Variants in HIRIP3 observed in about 807,000 individuals in gnomAD.
HIRIP3 encodes HIRA-interacting protein 3.
Under a neutral mutation model 50.3 loss-of-function variants are expected in HIRIP3, and 40 were observed. The ratio of observed to expected loss-of-function variants is 0.79; its 90% confidence interval spans 0.62 to 1.03. The LOEUF (loss-of-function observed/expected upper bound fraction) is 1.03, where lower values mean the gene tolerates loss of function less well. Among genes scored for constraint, HIRIP3 ranks in the 50% least tolerant of loss-of-function variants. The pLI is 0.00. For missense variants in HIRIP3, 765 were observed against 705.4 expected, an observed-to-expected ratio of 1.08 and a Z score of -0.96; for synonymous variants, 318 against 261.6, an observed-to-expected ratio of 1.22 and a Z score of -2.08.
chr16:29,992,342 A>G lies in HIRIP3; in HGVS notation c.*865T>C, dbSNP rs186208574. ...TGAATAGTACTGCTTGTGTTTTATA[A>G]AGAGAATTTATTGGGCTGTGTATCT... On this transcript the variant is annotated 3_prime_UTR_variant, in exon 7 of 7. Coordinates refer to ENST00000279392, the MANE Select transcript of HIRIP3 (RefSeq NM_003609.5). 2 of 152,112 alleles carry G rather than the reference A, an allele frequency of 1.3e-5. No homozygotes were observed. Among genetic ancestry groups the G allele is most frequent in the African/African-American group, 4.8e-5 (2 of 41,394 alleles). The allele number at this position is 152,112 out of a possible 1,614,324, so 9.4% of individuals were successfully genotyped here.
At position 29,994,569 on chromosome 16, in the gene HIRIP3, G is replaced by A; in HGVS notation, c.576C>T (p.Ala192=). The change falls in exon 4 of 7, where the codon GCC becomes GCT. Residue 192 remains alanine, a synonymous_variant. Transcript: ENST00000279392. ...CCTCGCTCTCCTCACTTTCTTCCCT[G>A]GCCTGCTTCCTACTGACTGAGGCCT... ...PGKASVSRKQ[A]REESEESEAE... is the part of the protein sequence containing the mutation. 1.9e-6 allele frequency: 3 copies of A among 1,614,038 alleles called. No homozygotes were observed. Among genetic ancestry groups the A allele is most frequent in the Non-Finnish European group, 2.5e-6 (3 of 1,180,012 alleles).
intron 2 of HIRIP3, 27 bp downstream of exon 2, chr16:29,995,316 C>CGCGGCCCAGGCT (rs1567261572): frequency 6.2e-7 from 1 of 1,609,026 alleles, no homozygotes; most frequent in Admixed American, 1.7e-5. Flanking sequence ...CTCCGCCTCC[C>CGCGGCCCAGGCT]GCGGCCCAGG....
At position 29,994,826 on chromosome 16, in the gene HIRIP3, A is replaced by G. The variant is rs757355734; in HGVS notation, c.319T>C (p.Ser107Pro). The G allele has an allele frequency of 6.2e-7, 1 of 1,610,748 alleles. No homozygotes were observed. Among genetic ancestry groups the G allele is most frequent in the East Asian group, 2.2e-5 (1 of 44,866 alleles). ...GGGGGTCCAAAGTAGTCTGGGCTGG[A>G]GGCTTCAGAGCCGGACTCTGGAATA... ...NSESESGSEA[S>P]SPDYFGPPAK... Residue 107 changes from serine (S) to proline (P), a missense_variant, in exon 4 of 7, where the codon TCC (serine) becomes CCC (proline). By Grantham distance (74) the Ser-to-Pro change is moderately conservative (BLOSUM62 -1). Transcript: ENST00000279392.
Position 29,994,545 on chromosome 16 carries a change from C to G in HIRIP3, c.600G>C (p.Glu200Asp). 14 of 1,614,124 alleles carry G rather than the reference C, an allele frequency of 8.7e-6. No homozygotes were observed. Among genetic ancestry groups the G allele is most frequent in the Non-Finnish European group, 1.2e-5 (14 of 1,180,026 alleles). The part of the protein sequence containing the change: ...KQAREESEES[E>D]AEPVQRTAKK... ...TTGCTGTCCTCTGAACGGGTTCTGC[C>G]TCGCTCTCCTCACTTTCTTCCCTGG... The change falls in exon 4 of 7, where the codon GAG becomes GAC. Residue 200 changes from glutamate to aspartate, a missense_variant. Physicochemically the swap from Glu to Asp is conservative, Grantham distance 45 (BLOSUM62 2). Coordinates refer to ENST00000279392, the MANE Select transcript of HIRIP3 (RefSeq NM_003609.5).
In HIRIP3 at chr16:29,993,356, G is replaced by A. The variant is rs750316578; in HGVS notation, c.1522C>T (p.Arg508Cys). The A allele has an allele frequency of 3.2e-5, 49 of 1,551,868 alleles. No individual in the cohort carries two copies. The highest frequency in any genetic ancestry group is 3.8e-5 in the Non-Finnish European group (44 of 1,145,062). The change falls in exon 7 of 7, where the codon CGT becomes TGT. Residue 508 changes from arginine to cysteine, a missense_variant. Physicochemically the swap from Arg to Cys is radical, Grantham distance 180 (BLOSUM62 -3). Transcript: ENST00000279392. ...TCTCCTAAAGGGTTCCAGGCTGTAC[G>A]TCTGCGTGGCCGGCCTAGGGGAAAG... ...IISGSGRPRR[R>C]TAWNPLGEAA...
rs758911005 is a variant in HIRIP3 at position 29,994,450 on chromosome 16, A to C, written c.695T>G (p.Leu232Arg). Reference protein sequence around the residue: ...ESEQESEEEILAQKKEQREEE... With the variant: ...ESEQESEEEIRAQKKEQREEE... ...CTCTCTCTGCTCTTTCTTCTGGGCT[A>C]GGATCTCCTCTTCACTCTCCTGTTC... is the stretch of plus-strand genomic sequence containing the variant. Residue 232 changes from leucine (L) to arginine (R), a missense_variant, in exon 4 of 7, where the codon CTA becomes CGA. Transcript: ENST00000279392. 6.2e-7 allele frequency: 1 copy of C among 1,613,434 alleles called. No homozygotes were observed. Among genetic ancestry groups the C allele is most frequent in the South Asian group, 1.1e-5 (1 of 91,050 alleles).
In HIRIP3 at chr16:29,993,277, C is replaced by T. The variant is rs1232581664; in HGVS notation, c.1601G>A (p.Arg534Gln). The stretch of plus-strand genomic sequence containing the variant: ...CCAGTCTGGGGGTGCGGGACGGGGC[C>T]GCTCTTCATCTGAGTCCAGGGTCCG... ...YRRTLDSDEE[R>Q]PRPAPPDWSH... The change falls in exon 7 of 7, where the codon CGG (arginine) becomes CAG (glutamine). Residue 534 changes from arginine to glutamine, a missense_variant. Physicochemically the swap from Arg to Gln is conservative, Grantham distance 43 (BLOSUM62 1). Transcript: ENST00000279392. 5.2e-6 allele frequency: 8 copies of T among 1,551,962 alleles called. No homozygotes were observed. The highest frequency in any genetic ancestry group is 2.0e-5 in the Admixed American group (1 of 50,658).
At position 29,994,697 on chromosome 16, in the gene HIRIP3, C is replaced by T; in HGVS notation, c.448G>A (p.Asp150Asn). 6.2e-7 allele frequency: 1 copy of T among 1,614,178 alleles called. No homozygotes were observed. The highest frequency in any genetic ancestry group is 8.5e-7 in the Non-Finnish European group (1 of 1,180,032). Residue 150 changes from aspartate (D) to asparagine (N), a missense_variant, in exon 4 of 7, where the codon GAC becomes AAC. Transcript: ENST00000279392. ...EESSDEERQR[D>N]LPAQRGEESS... ...TCCTCTCCCCTCTGTGCGGGCAGGT[C>T]CCTCTGCCGTTCCTCATCACTGCTC...
Position 29,993,812 on chromosome 16 carries a change from G to T in HIRIP3, c.1240-4C>A. 6.2e-7 allele frequency: 1 copy of T among 1,613,602 alleles called. No individual in the cohort carries two copies. On this transcript the variant is annotated splice_region_variant and splice_polypyrimidine_tract_variant and intron_variant, in intron 4 of 6. Coordinates refer to ENST00000279392, the MANE Select transcript of HIRIP3 (RefSeq NM_003609.5). Reference sequence around the variant, plus strand: ...CTCCACGGCGACCTGAGCCAGCCTAGCAAGGAAAGAGCAGCTGAAGGCCAA... The same window carrying T: ...CTCCACGGCGACCTGAGCCAGCCTATCAAGGAAAGAGCAGCTGAAGGCCAA...
intron 2 of HIRIP3, 47 bp from the exon 3 acceptor site, chr16:29,995,264 C>A: frequency 6.2e-7 from 1 of 1,613,094 alleles, no homozygotes; most frequent in Non-Finnish European, 8.5e-7. Flanking sequence ...GCTGCGCTCA[C>A]CGCGCCCCGT....
At position 29,994,236 on chromosome 16, in the gene HIRIP3, A is replaced by T; in HGVS notation, c.909T>A (p.Asp303Glu). The part of the protein sequence containing the change: ...EEQKEAASSG[D>E]DSGRDREPPV... ...GGGGTTCTCTATCTCTCCCACTGTC[A>T]TCCCCACTGCTGGCTGCCTCTTTCT... Residue 303 changes from aspartate (D) to glutamate (E), a missense_variant, in exon 4 of 7, where the codon GAT becomes GAA. Physicochemically the swap from Asp to Glu is conservative, Grantham distance 45. Transcript: ENST00000279392. 2 of 1,613,944 alleles carry T rather than the reference A, an allele frequency of 1.2e-6. No homozygotes were observed. The highest frequency in any genetic ancestry group is 1.7e-6 in the Non-Finnish European group (2 of 1,179,966).
chr16:29,995,991 C>T, upstream of HIRIP3: 1 of 567,204 alleles, frequency 1.8e-6, no homozygotes. Context: ...GATGAGGAAC[C>T]TCGGGGATAA....
rs1470947430 is a variant in HIRIP3, at chr16:29,994,592, C to G, written c.553G>C (p.Ala185Pro). ...CTGGCCTGCTTCCTACTGACTGAGG[C>G]CTTGCCTGGTGCCTGCTTCTTTACC... is the stretch of plus-strand genomic sequence containing the variant. ...PVVKKQAPGK[A>P]SVSRKQAREE... Residue 185 changes from alanine to proline, a missense_variant, in exon 4 of 7, where the codon GCC (alanine) becomes CCC (proline). Transcript: ENST00000279392. 6.2e-7 allele frequency: 1 copy of G among 1,614,170 alleles called. No homozygotes were observed. Among genetic ancestry groups the G allele is most frequent in the South Asian group, 1.1e-5 (1 of 91,080 alleles).
At chr16:29,995,316 C>G (rs759906736) in intron 2 of HIRIP3, 27 bp downstream of exon 2, 10 of 1,609,026 alleles carry the variant, frequency 6.2e-6, no homozygotes, top group Non-Finnish European at 8.5e-6. Flanking sequence ...CTCCGCCTCC[C>G]GCGGCCCAGG....
At chr16:29,993,433 C>G in intron 6 of HIRIP3, 26 bp downstream of exon 6, 1 of 1,602,422 alleles carries the variant, frequency 6.2e-7, no homozygotes, top group Non-Finnish European at 8.5e-7. Flanking sequence ...CTATCTGCTC[C>G]TGGGCAGTGA....
Position 29,994,157 on chromosome 16 carries a change from T to C in HIRIP3, c.988A>G (p.Ser330Gly). The change falls in exon 4 of 7, where the codon AGT becomes GGT. Residue 330 changes from serine (S) to glycine (G), a missense_variant. By Grantham distance (56) the Ser-to-Gly change is moderately conservative. Coordinates refer to ENST00000279392, the MANE Select transcript of HIRIP3 (RefSeq NM_003609.5). Reference sequence around the variant, plus strand: ...TCTTCCTCGTCCTCGCTGCTTCCACTCAACCTCTTCCCACCCTTAAGCTGG... The same window carrying C: ...TCTTCCTCGTCCTCGCTGCTTCCACCCAACCTCTTCCCACCCTTAAGCTGG... ...RTQLKGGKRL[S>G]GSSEDEEDSG... 1.2e-6 allele frequency: 2 copies of C among 1,614,162 alleles called. No individual in the cohort carries two copies. The highest frequency in any genetic ancestry group is 1.7e-6 in the Non-Finnish European group (2 of 1,180,024).
At position 29,992,388 on chromosome 16, in the gene HIRIP3, T is replaced by C. The variant is rs2069993482; in HGVS notation, c.*819A>G. 6.6e-6 allele frequency: 1 copy of C among 152,252 alleles called. No homozygotes were observed. Among genetic ancestry groups the C allele is most frequent in the African/African-American group, 2.4e-5 (1 of 41,454 alleles). 9.4% of individuals were successfully genotyped at this position (152,252 alleles called of 1,614,324 possible). ...TATCTAAACATTTCAGTGATTTTAA[T>C]GACTTTAGGTGTGACCAGATCTCGG... On this transcript the variant is annotated 3_prime_UTR_variant, in exon 7 of 7. Transcript: ENST00000279392.
At position 29,993,515 on chromosome 16, in the gene HIRIP3, C is replaced by T; in HGVS notation, c.1451G>A (p.Arg484Lys). The change falls in exon 6 of 7, where the codon AGG becomes AAG. Residue 484 changes from arginine to lysine, a missense_variant. Physicochemically the swap from Arg to Lys is conservative, Grantham distance 26 (BLOSUM62 2). Coordinates refer to ENST00000279392, the MANE Select transcript of HIRIP3 (RefSeq NM_003609.5). ...LGKCRALKEQREEAAEVASLD... is the reference protein window; with the variant it reads ...LGKCRALKEQKEEAAEVASLD... ...GGAGGCCACCTCAGCTGCCTCCTCC[C>T]TCTGCTCCTTCAGGGCCCGACACTT... is the stretch of plus-strand genomic sequence containing the variant. 6.2e-7 allele frequency: 1 copy of T among 1,613,960 alleles called. No individual in the cohort carries two copies. The highest frequency in any genetic ancestry group is 8.5e-7 in the Non-Finnish European group (1 of 1,179,888).
At position 29,993,466 on chromosome 16, in the gene HIRIP3, AC is replaced by A. The variant is rs1167250830; in HGVS notation, c.1499del (p.Ser500MetfsTer15). The A allele has an allele frequency of 6.2e-7, 1 of 1,612,746 alleles. No homozygotes were observed. The highest frequency in any genetic ancestry group is 1.1e-5 in the South Asian group (1 of 91,018). On this transcript the variant is annotated frameshift_variant, in exon 6 of 7. Coordinates refer to ENST00000279392, the MANE Select transcript of HIRIP3 (RefSeq NM_003609.5). LOFTEE classifies it low-confidence loss of function (END_TRUNC). ...VASLDVANIISGSGRPRRRTA... is the reference protein window; with the variant it reads ...VASLDVANIIXGSGRPRRRTA... ...TGAGAGGAAACCCCTTACCCGAGCC[AC>A]TGATGATGTTCGCAACATCCAAGGA...
Sources: allele counts gnomAD v4.1 joint callset, GRCh38; gene constraint gnomAD v4.1.1; transcripts MANE v1.5; gene names NCBI Gene and HGNC (gene_info 2026-07-23, HGNC 2026-07-21).